The following ZMYM2 variants were observed in gnomAD, a reference collection of about 807,000 sequenced individuals.
ZMYM2 encodes the protein zinc finger MYM-type protein 2.
A neutral mutation model predicts 162.8 loss-of-function variants in ZMYM2; 56 were observed. The ratio of observed to expected loss-of-function variants is 0.34; its 90% CI spans 0.28 to 0.43. ZMYM2 has a LOEUF of 0.43. Ranked by LOEUF, ZMYM2 falls within the 20% of genes least tolerant of loss-of-function variation. ZMYM2 has a pLI of 1.00. For missense variants in ZMYM2, 1,275 were observed against 1,621.8 expected (o/e 0.79, Z 3.67); for synonymous variants, 510 against 541.6 (o/e 0.94, Z 0.81).
At chr13:20,081,569 A>G (rs1204171440) in intron 21 of ZMYM2, among the ~76,000 whole-genome samples, 1 of 152,234 alleles carries the variant, frequency 6.6e-6, no homozygotes. Flanking sequence ...ATAGCTACAG[A>G]TAACATTTCC....
At chr13:20,057,118 C>G (rs1413153857) in intron 14 of ZMYM2, among the ~76,000 whole-genome samples, 1 of 151,994 alleles carries the variant, frequency 6.6e-6, no homozygotes, top group Non-Finnish European at 1.5e-5. Flanking sequence ...TTGCTTTGTT[C>G]TTGAGACAAA....
intron 24 of ZMYM2, among the ~76,000 whole-genome samples, chr13:20,084,519 A>T (rs1958120736): frequency 6.6e-6 from 1 of 152,252 alleles, no homozygotes; most frequent in African/African-American, 2.4e-5. Context: ...TCACATAAGC[A>T]GGTGGCTGGC....
chr13:19,982,578 C>T (rs1174250519), intron 2 of ZMYM2, among the ~76,000 whole-genome samples: 1 of 152,124 alleles, frequency 6.6e-6, no homozygotes, highest in East Asian at 1.9e-4. Context: ...ACGTCATCCC[C>T]TTTGGAGAAG....
At chr13:19,873,748 T>G in the ZMYM2 span, among the ~76,000 whole-genome samples, 2 of 152,136 alleles carry the variant, frequency 1.3e-5, no homozygotes, top group Non-Finnish European at 1.5e-5. Context: ...ATGCTGTTAT[T>G]CTCTCCAGTT....
chr13:20,012,672 C>T (rs936508141), intron 6 of ZMYM2, among the ~76,000 whole-genome samples: 5 of 152,032 alleles, frequency 3.3e-5, no homozygotes, highest in African/African-American at 1.2e-4. Context: ...GGCAGGGGTC[C>T]AACTTCATTG....
At chr13:19,968,212 AG>A (rs1955983210) in intron 2 of ZMYM2, among the ~76,000 whole-genome samples, 1 of 152,112 alleles carries the variant, frequency 6.6e-6, no homozygotes, top group Admixed American at 6.6e-5. Flanking sequence ...GTGGTCTCAT[AG>A]TTATGACCAC....
the ZMYM2 span, among the ~76,000 whole-genome samples, chr13:19,920,090 T>TGA: frequency 6.6e-6 from 1 of 152,204 alleles, no homozygotes; most frequent in Non-Finnish European, 1.5e-5. Context: ...ATTACCATTG[T>TGA]GAGCCAGTGA....
At chr13:20,050,258 G>A (rs928044828) in intron 12 of ZMYM2, among the ~76,000 whole-genome samples, 1 of 151,710 alleles carries the variant, frequency 6.6e-6, no homozygotes, top group Non-Finnish European at 1.5e-5. Flanking sequence ...CTAACCTTGG[G>A]GTATGTTTGT....
chr13:19,901,129 G>A, the ZMYM2 span, among the ~76,000 whole-genome samples: 12,726 of 152,096 alleles, frequency 0.084, 573 homozygotes, highest in Middle Eastern at 0.12. Flanking sequence ...ACTCTTATAA[G>A]GGCATCAATG....
chr13:20,081,990 T>G, intron 21 of ZMYM2, 26 bp from the exon 22 acceptor site: 1 of 1,356,360 alleles, frequency 7.4e-7, no homozygotes, highest in Non-Finnish European at 9.7e-7. Context: ...TCAAGAAAGT[T>G]TGTGGGGCTT....
chr13:19,989,666 A>G (rs988809532), intron 2 of ZMYM2, among the ~76,000 whole-genome samples: 6 of 152,314 alleles, frequency 3.9e-5, no homozygotes, highest in African/African-American at 1.4e-4. Context: ...GTTGCAAATA[A>G]TCCAGTTATA....
intron 4 of ZMYM2, among the ~76,000 whole-genome samples, chr13:20,004,714 T>C (rs1010988108): frequency 1.3e-5 from 2 of 152,204 alleles, no homozygotes; most frequent in African/African-American, 4.8e-5. Context: ...ACTTTCTACT[T>C]ATCCAGGGGA....
chr13:20,000,037 A>G (rs1436109294), intron 3 of ZMYM2, among the ~76,000 whole-genome samples: 2 of 152,132 alleles, frequency 1.3e-5, no homozygotes, highest in Non-Finnish European at 2.9e-5. Context: ...TGCTCAAGCA[A>G]TCCACCTGCT....
chr13:19,868,826 C>G, the ZMYM2 span, among the ~76,000 whole-genome samples: 4 of 152,292 alleles, frequency 2.6e-5, no homozygotes, highest in Admixed American at 6.5e-5. Flanking sequence ...TATCGGCTCA[C>G]TGCAACTTCC....
chr13:20,034,507 CAAAA>C, intron 11 of ZMYM2, 103 bp downstream of exon 11: 1 of 1,161,820 alleles, frequency 8.6e-7, no homozygotes, highest in Non-Finnish European at 1.1e-6. Flanking sequence ...TGTAGCTGAA[CAAAA>C]AAAATTGAGT....
chr13:19,951,447 T>C, the ZMYM2 span, among the ~76,000 whole-genome samples: 2 of 145,030 alleles, frequency 1.4e-5, no homozygotes, highest in African/African-American at 2.6e-5. Context: ...CCCAGCGCTT[T>C]GGGAGGCTGA....
At chr13:19,942,935 T>C in the ZMYM2 span, among the ~76,000 whole-genome samples, 1 of 152,128 alleles carries the variant, frequency 6.6e-6, no homozygotes. Flanking sequence ...AAAAGCTATA[T>C]AGAAATTAGG....
intron 12 of ZMYM2, among the ~76,000 whole-genome samples, chr13:20,045,978 A>G (rs1954743675): frequency 6.6e-6 from 1 of 151,556 alleles, no homozygotes; most frequent in Non-Finnish European, 1.5e-5. Context: ...GCAGTGGCTT[A>G]TGCTTGTAAT....
chr13:19,958,470 C>T (rs1272935068), upstream of ZMYM2, among the ~76,000 whole-genome samples: 5 of 140,756 alleles, frequency 3.6e-5, no homozygotes, highest in Non-Finnish European at 7.8e-5. Flanking sequence ...TGGGTGGGGG[C>T]GGGGGACCGG....
Sources: gnomAD v4.1 joint callset for allele counts (sites outside exome capture counted in the v4.1 genomes callset) on GRCh38, gnomAD v4.1.1 for gene constraint, MANE v1.5 for transcripts, NCBI Gene and HGNC (gene_info 2026-07-23, HGNC 2026-07-21) for gene names.